The following PCDHA6 variants were observed in gnomAD, a reference collection of about 807,000 sequenced individuals.
PCDHA6 encodes protocadherin alpha 6, also known as protocadherin alpha-6.
PCDHA6 carries 55 observed loss-of-function variants against 60.3 expected under a neutral mutation model. That is an observed-to-expected ratio of 0.91 (90% CI 0.73 to 1.14). The LOEUF (loss-of-function observed/expected upper bound fraction) is 1.14, where lower values mean the gene tolerates loss of function less well. PCDHA6 is among the 50% of genes most tolerant of loss of function. PCDHA6 has a pLI of 0.00. For synonymous variants in PCDHA6, 652 were observed against 557.9 expected (o/e 1.17, Z -2.38); for missense variants, 1,327 against 1,256.5 (o/e 1.06, Z -0.85).
chr5:140,869,028 G>T, intron 1 of PCDHA6: 1 of 1,526,584 alleles, frequency 6.6e-7, no homozygotes, highest in Middle Eastern at 1.8e-4. Context: ...AATTCAACGA[G>T]ATTTTTAACC....
chr5:140,875,351 G>C, intron 1 of PCDHA6: 1 of 1,445,562 alleles, frequency 6.9e-7, no homozygotes, highest in Non-Finnish European at 9.1e-7. Context: ...CATAATGACT[G>C]TGATGCTGGA....
At chr5:140,835,739 C>T (rs185499663) in intron 1 of PCDHA6, 6 of 1,613,584 alleles carry the variant, frequency 3.7e-6, no homozygotes, top group East Asian at 4.5e-5. Context: ...ACGACAACGC[C>T]CCGGCGTTCG....
At chr5:140,920,107 C>A (rs1480708499) in intron 1 of PCDHA6, among the ~76,000 whole-genome samples, 1 of 152,300 alleles carries the variant, frequency 6.6e-6, no homozygotes, top group Non-Finnish European at 1.5e-5. Flanking sequence ...GGGAGTGCAA[C>A]CTTGCCAACA....
chr5:140,833,390 T>G (rs1349279965), intron 1 of PCDHA6, among the ~76,000 whole-genome samples: 2 of 152,166 alleles, frequency 1.3e-5, no homozygotes, highest in Non-Finnish European at 2.9e-5. Context: ...ATGAAATACC[T>G]CAAGACTTGA....
At chr5:140,974,496 T>C (rs1554236114) in intron 1 of PCDHA6, among the ~76,000 whole-genome samples, 1 of 152,198 alleles carries the variant, frequency 6.6e-6, no homozygotes, top group Non-Finnish European at 1.5e-5. Flanking sequence ...TCAAATGTAT[T>C]ACCTTTGTGT....
rs2092672361 is a variant in PCDHA6, at chr5:140,940,726, G to A, written c.2395-38223G>A. On this transcript the variant is annotated intron_variant, in intron 1 of 3. Coordinates refer to ENST00000529310, the MANE Select transcript of PCDHA6 (RefSeq NM_018909.4). Reference sequence around the variant, plus strand: ...ATACCTGCTGTGTGCTGTTTCAGCTGGACAGCTCCATATTTTTATGTGTGC... The same window carrying A: ...ATACCTGCTGTGTGCTGTTTCAGCTAGACAGCTCCATATTTTTATGTGTGC... 3.9e-5 allele frequency among the ~76,000 whole-genome samples: 6 copies of A among 152,124 alleles called. No homozygotes were observed. The South Asian group carries it at 1.2e-3, about 31-fold the overall frequency.
intron 1 of PCDHA6, among the ~76,000 whole-genome samples, chr5:140,921,992 C>A (rs963694302): frequency 6.6e-6 from 1 of 151,842 alleles, no homozygotes; most frequent in South Asian, 2.1e-4. Context: ...AAAAAGAGTT[C>A]AATGAAATGA....
intron 1 of PCDHA6, among the ~76,000 whole-genome samples, chr5:140,919,772 A>G (rs1421766938): frequency 6.6e-6 from 1 of 152,102 alleles, no homozygotes; most frequent in Non-Finnish European, 1.5e-5. Context: ...TATTACTGTT[A>G]CACATATTAC....
intron 1 of PCDHA6, among the ~76,000 whole-genome samples, chr5:140,838,628 T>G (rs1364400587): frequency 2.0e-5 from 3 of 151,994 alleles, no homozygotes; most frequent in African/African-American, 7.3e-5. Flanking sequence ...TTACAAATAA[T>G]TTGGTTGGTC....
chr5:140,968,652 ACCTGGACCT>A lies in PCDHA6; in HGVS notation c.2395-10295_2395-10287del, dbSNP rs1332508740. The A allele has an allele frequency of 1.9e-6, 3 of 1,614,000 alleles. No homozygotes were observed. In the African/African-American group the frequency reaches 4.0e-5, roughly 22 times the overall value. On this transcript the variant is annotated intron_variant, in intron 1 of 3. Transcript: ENST00000529310. ...TTTTACCATCTAGCCCAGACTTCTGACCTGGACCTCTTTAAGGTAGAGCTGCACACAGGA... is the reference window on the plus strand; with the variant it reads ...TTTTACCATCTAGCCCAGACTTCTGACTTTAAGGTAGAGCTGCACACAGGA...
rs1172235906 is a variant in PCDHA6, at chr5:140,871,551, C to T, written c.2394+41066C>T. 10 of 1,494,576 alleles carry T rather than the reference C, an allele frequency of 6.7e-6. No homozygotes were observed. The Admixed American group carries it at 2.5e-4, about 38-fold the overall frequency. 92.6% of individuals were successfully genotyped at this position (1,494,576 alleles called of 1,614,324 possible). ...AGTGTATGTGAAATTATTTAAAATC[C>T]AGTTTTTTTTCACGGATTTTTTAAG... On this transcript the variant is annotated intron_variant, in intron 1 of 3. Transcript: ENST00000529310.
chr5:140,961,465 T>C (rs2095614873), intron 1 of PCDHA6, among the ~76,000 whole-genome samples: 2 of 152,218 alleles, frequency 1.3e-5, no homozygotes, highest in Admixed American at 1.3e-4. Context: ...GCTGCCTTTC[T>C]TTTTTTGTCT....
chr5:140,848,894 C>G (rs1562450529), intron 1 of PCDHA6: 3 of 1,604,178 alleles, frequency 1.9e-6, no homozygotes, highest in Non-Finnish European at 2.6e-6. Context: ...CTCCAGTGTT[C>G]CCAGCGACAC....
intron 1 of PCDHA6, chr5:140,857,580 C>A (rs782567056): frequency 6.3e-7 from 1 of 1,596,630 alleles, no homozygotes; most frequent in South Asian, 1.1e-5. Context: ...TCGGTGCACG[C>A]GGAGAGCGGC....
chr5:140,983,118 A>G (rs1251873984), intron 3 of PCDHA6, among the ~76,000 whole-genome samples: 1 of 152,220 alleles, frequency 6.6e-6, no homozygotes, highest in African/African-American at 2.4e-5. Flanking sequence ...CATCAACAAC[A>G]TTCTGCAGAC....
intron 1 of PCDHA6, among the ~76,000 whole-genome samples, chr5:140,918,479 G>T (rs895821639): frequency 1.3e-5 from 2 of 152,092 alleles, no homozygotes; most frequent in Non-Finnish European, 2.9e-5. Flanking sequence ...AGTCTCAAGG[G>T]GAATGCTTTG....
intron 1 of PCDHA6, among the ~76,000 whole-genome samples, chr5:140,898,264 C>T (rs1360270871): frequency 6.6e-6 from 1 of 152,166 alleles, no homozygotes; most frequent in Non-Finnish European, 1.5e-5. Context: ...AGTCCTTGCC[C>T]ATGCCTAAGT....
intron 1 of PCDHA6, among the ~76,000 whole-genome samples, chr5:140,946,311 T>C (rs896667905): frequency 6.6e-6 from 1 of 151,784 alleles, no homozygotes; most frequent in Non-Finnish European, 1.5e-5. Flanking sequence ...AGAATGGCTA[T>C]TATTGAAAGA....
intron 1 of PCDHA6, among the ~76,000 whole-genome samples, chr5:140,885,441 A>G (rs568228687): frequency 6.6e-6 from 1 of 152,232 alleles, no homozygotes; most frequent in African/African-American, 2.4e-5. Context: ...GTGTGCAATT[A>G]TATATTATTT....
Sources: allele counts gnomAD v4.1 joint callset (sites outside exome capture counted in the v4.1 genomes callset), GRCh38; gene constraint gnomAD v4.1.1; transcripts MANE v1.5; gene names NCBI Gene and HGNC (gene_info 2026-07-23, HGNC 2026-07-21).